ZNF578: variants seen among roughly 807,000 people sequenced by gnomAD.
ZNF578 encodes Putative chemokine-related protein B42.
Under a neutral mutation model 8.3 loss-of-function variants are expected in ZNF578, and 8 were observed. That is an observed-to-expected ratio of 0.96 (90% CI 0.56 to 1.74). The LOEUF (loss-of-function observed/expected upper bound fraction) is 1.74. ZNF578 is among the 40% of genes most tolerant of loss of function. ZNF578 has a pLI of 0.00. For synonymous variants in ZNF578, 206 were observed against 232.2 expected, an observed-to-expected ratio of 0.89 and a Z score of 1.03; for missense variants, 726 against 707.5, an observed-to-expected ratio of 1.03 and a Z score of -0.30.
chr19:52,499,935 C>T (rs1260598295), intron 3 of ZNF578, among the ~76,000 whole-genome samples: 1 of 152,098 alleles, frequency 6.6e-6, no homozygotes, highest in Admixed American at 6.6e-5. Context: ...TACCTGTGCC[C>T]TCCTCTCTTC....
chr19:52,493,156 C>G (rs2059372461), intron 3 of ZNF578, among the ~76,000 whole-genome samples: 1 of 152,168 alleles, frequency 6.6e-6, no homozygotes, highest in South Asian at 2.1e-4. Flanking sequence ...TTCTTAAAGT[C>G]CTCACCCGCG....
chr19:52,454,476 C>T (rs2059233150), intron 1 of ZNF578: 1 of 152,214 alleles, frequency 6.6e-6, no homozygotes, highest in Non-Finnish European at 1.5e-5. Flanking sequence ...AACTTCTAAG[C>T]TACTGGATAT....
chr19:52,459,769 A>ATTTTTTTTT lies in ZNF578; in HGVS notation c.-122+2827_-122+2835dup, dbSNP rs1164629700. On this transcript the variant is annotated intron_variant, in intron 2 of 5. Coordinates refer to ENST00000421239, the MANE Select transcript of ZNF578 (RefSeq NM_001099694.2). ...TGTGTGTGTATATATATATATATAT[A>ATTTTTTTTT]TTTTTTTTTTTTTTTTTTTTTTTTG... Among the ~76,000 whole-genome samples the ATTTTTTTTT allele has an allele frequency of 1.5e-3, 27 of 17,620 alleles. 2 individuals are homozygous for ATTTTTTTTT. The highest frequency in any genetic ancestry group is 4.0e-3 in the African/African-American group (22 of 5,474). 11.6% of individuals were successfully genotyped at this position (17,620 alleles called of 152,430 possible).
rs550529001 is a variant in ZNF578 at position 52,496,575 on chromosome 19, C to T, written c.-20+5150C>T. On this transcript the variant is annotated intron_variant, in intron 3 of 5. Transcript: ENST00000421239. ...CGATCTCCTGACCTCGTGATCCGCC[C>T]GCCTCAGCCTCCCAAAGTGCTGGGA... Among the ~76,000 whole-genome samples, 8 of 150,050 alleles carry T rather than the reference C, an allele frequency of 5.3e-5. No homozygotes were observed. In the Middle Eastern group the frequency reaches 0.01, roughly 194 times the overall value.
chr19:52,492,328 C>T (rs1241064409), intron 3 of ZNF578, among the ~76,000 whole-genome samples: 1 of 152,108 alleles, frequency 6.6e-6, no homozygotes. Context: ...GCCTCGTGCC[C>T]GCATCCCTGC....
At chr19:52,467,005 CTTGA>C (rs1244508265) in intron 2 of ZNF578, among the ~76,000 whole-genome samples, 2 of 151,364 alleles carry the variant, frequency 1.3e-5, no homozygotes, top group African/African-American at 4.9e-5. Context: ...GCAACCCTCT[CTTGA>C]TTAATTTTTT....
chr19:52,508,117 A>G (rs2447415), intron 5 of ZNF578, among the ~76,000 whole-genome samples: 29,715 of 151,494 alleles, frequency 0.2, 3,085 homozygotes, highest in Non-Finnish European at 0.23. Flanking sequence ...GAGGCCGCGC[A>G]GTGCAGATCA....
At chr19:52,462,150 T>C (rs2059260347) in intron 2 of ZNF578, among the ~76,000 whole-genome samples, 1 of 152,248 alleles carries the variant, frequency 6.6e-6, no homozygotes, top group South Asian at 2.1e-4. Flanking sequence ...ATTGTTGAGA[T>C]TGTTGACACC....
intron 2 of ZNF578, among the ~76,000 whole-genome samples, chr19:52,489,122 A>G (rs1479496771): frequency 6.6e-6 from 1 of 151,936 alleles, no homozygotes; most frequent in African/African-American, 2.4e-5. Context: ...AAGAAAAAGT[A>G]GCCGAGGGTG....
intron 3 of ZNF578, among the ~76,000 whole-genome samples, chr19:52,496,502 T>C (rs1023979630): frequency 6.8e-6 from 1 of 147,274 alleles, no homozygotes; most frequent in African/African-American, 2.5e-5. Context: ...GCTAATTTTT[T>C]GTATTTTTAG....
At position 52,504,736 on chromosome 19, in the gene ZNF578, T is replaced by A. The variant is rs1264831028; in HGVS notation, c.145T>A (p.Tyr49Asn). 2 of 1,614,032 alleles carry A rather than the reference T, an allele frequency of 1.2e-6. No homozygotes were observed. The highest frequency in any genetic ancestry group is 8.5e-7 in the Non-Finnish European group (1 of 1,180,042). ...KFLNPAQRAL[Y>N]REVMLENYRN... is the part of the protein sequence containing the mutation. The stretch of plus-strand genomic sequence containing the variant: ...CCTGAACCCTGCGCAGAGGGCTTTG[T>A]ACAGGGAAGTGATGTTGGAGAACTA... The change falls in exon 5 of 6, where the codon TAC becomes AAC. Residue 49 changes from tyrosine (Y) to asparagine (N), a missense_variant. Physicochemically the swap from Tyr to Asn is moderately radical, Grantham distance 143. Transcript: ENST00000421239.
rs2059462880 is a variant in ZNF578 at position 52,514,150 on chromosome 19, G to A, written c.*1996G>A. ...TTATTTTTTCTTTTTTGCAGATTGA[G>A]TTTGAGATATATCTTAGTTTTAATA... On this transcript the variant is annotated 3_prime_UTR_variant, in exon 6 of 6. Coordinates refer to ENST00000421239, the MANE Select transcript of ZNF578 (RefSeq NM_001099694.2). Among the ~76,000 whole-genome samples, 2 of 151,840 alleles carry A rather than the reference G, an allele frequency of 1.3e-5. No individual in the cohort carries two copies. Among genetic ancestry groups the A allele is most frequent in the South Asian group, 4.2e-4 (2 of 4,814 alleles).
chr19:52,491,995 C>T (rs777988015), intron 3 of ZNF578, among the ~76,000 whole-genome samples: 2 of 151,414 alleles, frequency 1.3e-5, no homozygotes, highest in Non-Finnish European at 2.9e-5. Flanking sequence ...CCCATCTCTG[C>T]TAAAAATACA....
rs758744614 is a variant in ZNF578 at position 52,504,659 on chromosome 19, G to A, written c.68G>A (p.Arg23His). The change falls in exon 5 of 6, where the codon CGC becomes CAC. Residue 23 changes from arginine to histidine, a missense_variant. Transcript: ENST00000421239. Reference sequence around the variant, plus strand: ...GAAATGTGTGTTTCATTTTAGGGACGCTTGACTTTCAGGGATGTGGCTATA... The same window carrying A: ...GAAATGTGTGTTTCATTTTAGGGACACTTGACTTTCAGGGATGTGGCTATA... ...KEPGMALPQGRLTFRDVAIEF... is the reference protein window; with the variant it reads ...KEPGMALPQGHLTFRDVAIEF... 1.2e-5 allele frequency: 20 copies of A among 1,613,842 alleles called. No homozygotes were observed. Among genetic ancestry groups the A allele is most frequent in the South Asian group, 5.5e-5 (5 of 91,076 alleles).
rs752408221 is a variant in ZNF578 at position 52,511,886 on chromosome 19, G to A, written c.1505G>A (p.Arg502His). ...CACAGGTCATCTCTTCCATGCCATCGTAGACTTCATAGTGGTGAGAAACCT... is the reference window on the plus strand; with the variant it reads ...CACAGGTCATCTCTTCCATGCCATCATAGACTTCATAGTGGTGAGAAACCT... ...FSHRSSLPCHRRLHSGEKPYK... is the reference protein window; with the variant it reads ...FSHRSSLPCHHRLHSGEKPYK... Residue 502 changes from arginine (R) to histidine (H), a missense_variant, in exon 6 of 6, where the codon CGT becomes CAT. Coordinates refer to ENST00000421239, the MANE Select transcript of ZNF578 (RefSeq NM_001099694.2). 66 of 1,612,412 alleles carry A rather than the reference G, an allele frequency of 4.1e-5. No individual in the cohort carries two copies. Among genetic ancestry groups the A allele is most frequent in the Admixed American group, 1.5e-4 (9 of 59,824 alleles).
chr19:52,472,253 T>C (rs2059294302), intron 2 of ZNF578, among the ~76,000 whole-genome samples: 2 of 152,226 alleles, frequency 1.3e-5, no homozygotes, highest in Admixed American at 1.3e-4. Flanking sequence ...CTATAAAGTA[T>C]CTTCCTGTGG....
At chr19:52,481,688 T>A (rs189933750) in intron 2 of ZNF578, among the ~76,000 whole-genome samples, 8 of 152,164 alleles carry the variant, frequency 5.3e-5, no homozygotes, top group African/African-American at 1.2e-4. Flanking sequence ...AATGGGGAAG[T>A]GAAGTGGGAG....
intron 2 of ZNF578, among the ~76,000 whole-genome samples, chr19:52,465,756 T>C (rs996718543): frequency 5.3e-5 from 8 of 152,236 alleles, no homozygotes; most frequent in African/African-American, 1.9e-4. Context: ...GGCGTACTTA[T>C]ATTCAGTTTG....
In ZNF578 at chr19:52,511,998, C is replaced by G; in HGVS notation, c.1617C>G (p.Tyr539Ter). The G allele has an allele frequency of 6.2e-7, 1 of 1,614,058 alleles. No homozygotes were observed. The highest frequency in any genetic ancestry group is 8.5e-7 in the Non-Finnish European group (1 of 1,180,014). The change falls in exon 6 of 6, where the codon TAC becomes TAG. Residue 539 changes from tyrosine to a stop codon, truncating the protein, a stop_gained. Transcript: ENST00000421239. LOFTEE classifies it low-confidence loss of function (END_TRUNC). ...GACTTCATACTGGAGAGAAACCTTA[C>G]AAATGTAAGGTTTGTGACAAGGCTT... ...HHRLHTGEKP[Y>*]KCKVCDKAFM...
Sources: gnomAD v4.1 joint callset for allele counts (sites outside exome capture counted in the v4.1 genomes callset) on GRCh38, gnomAD v4.1.1 for gene constraint, MANE v1.5 for transcripts, NCBI Gene and HGNC (gene_info 2026-07-23, HGNC 2026-07-21) for gene names.